The following MTUS2 variants were observed in gnomAD, a reference collection of about 807,000 sequenced individuals.
The protein encoded by MTUS2 is microtubule-associated tumor suppressor candidate 2.
Under a neutral mutation model 114.1 loss-of-function variants are expected in MTUS2, and 40 were observed. The ratio of observed to expected loss-of-function variants is 0.35; its 90% CI spans 0.27 to 0.46. MTUS2 has a LOEUF of 0.46. Among genes scored for constraint, MTUS2 ranks in the 20% least tolerant of loss-of-function variants. MTUS2 has a pLI of 1.00. For synonymous variants in MTUS2, 688 were observed against 672.0 expected (o/e 1.02, Z -0.37); for missense variants, 1,679 against 1,705.4 (o/e 0.98, Z 0.27).
intron 2 of MTUS2, among the ~76,000 whole-genome samples, chr13:28,953,719 C>G (rs996801890): frequency 2.0e-5 from 3 of 152,098 alleles, no homozygotes; most frequent in African/African-American, 7.2e-5. Flanking sequence ...CATATAGTCC[C>G]CTCCCTAGAT....
At chr13:28,968,266 A>T (rs1020666223) in intron 2 of MTUS2, among the ~76,000 whole-genome samples, 1 of 152,312 alleles carries the variant, frequency 6.6e-6, no homozygotes, top group African/African-American at 2.4e-5. Flanking sequence ...AGGCTGGCCA[A>T]AGTACAAAAT....
At chr13:29,466,876 C>CAAAAAAAAAAAAAAAAAA (rs11296600) in intron 9 of MTUS2, among the ~76,000 whole-genome samples, 3 of 87,612 alleles carry the variant, frequency 3.4e-5, no homozygotes, top group African/African-American at 4.4e-5. Context: ...GACCTCATCT[C>CAAAAAAAAAAAAAAAAAA]AAAAAAAAAA....
chr13:29,343,924 A>G (rs1169341892), intron 7 of MTUS2, among the ~76,000 whole-genome samples: 1 of 152,096 alleles, frequency 6.6e-6, no homozygotes, highest in Non-Finnish European at 1.5e-5. Flanking sequence ...TGATCATTCA[A>G]GAGCAGGTTA....
intron 5 of MTUS2, among the ~76,000 whole-genome samples, chr13:29,210,114 CATTTTTTA>C (rs1029856760): frequency 2.6e-5 from 4 of 152,026 alleles, no homozygotes; most frequent in African/African-American, 9.7e-5. Flanking sequence ...AGGCTTTGTT[CATTTTTTA>C]AAATTCTTTT....
chr13:29,269,173 C>T (rs1897783308), intron 5 of MTUS2, among the ~76,000 whole-genome samples: 1 of 152,164 alleles, frequency 6.6e-6, no homozygotes, highest in Non-Finnish European at 1.5e-5. Flanking sequence ...TAACAACTGA[C>T]AGTCATTCCC....
chr13:29,110,765 T>C (rs1890852062), intron 5 of MTUS2, among the ~76,000 whole-genome samples: 1 of 152,196 alleles, frequency 6.6e-6, no homozygotes, highest in African/African-American at 2.4e-5. Flanking sequence ...AACTCAGATA[T>C]CTGGATCTAA....
intron 5 of MTUS2, among the ~76,000 whole-genome samples, chr13:29,158,358 C>CCCCCCCCTTTTCT: frequency 6.2e-5 from 2 of 32,048 alleles, no homozygotes; most frequent in African/African-American, 2.1e-4. Flanking sequence ...GTCCACCCCG[C>CCCCCCCCTTTTCT]TTTTTTTTTT....
At chr13:29,244,955 CAAAAAAAAAAAAAAAAAAA>C (rs56095961) in intron 5 of MTUS2, among the ~76,000 whole-genome samples, 5 of 60,522 alleles carry the variant, frequency 8.3e-5, no homozygotes, top group Admixed American at 2.0e-4. Flanking sequence ...GACTCCGTCT[CAAAAAAAAAAAAAAAAAAA>C]AAAAAAAGTA....
intron 4 of MTUS2, among the ~76,000 whole-genome samples, chr13:29,068,537 A>G (rs1360285229): frequency 2.6e-5 from 4 of 151,926 alleles, no homozygotes. Context: ...AGAACCATAA[A>G]CCAGATAGAA....
intron 2 of MTUS2, among the ~76,000 whole-genome samples, chr13:28,941,814 T>C (rs1882256288): frequency 6.6e-6 from 1 of 152,208 alleles, no homozygotes; most frequent in Non-Finnish European, 1.5e-5. Flanking sequence ...CTATATTACA[T>C]TAAAATTCAT....
chr13:29,424,487 G>A (rs1349154592), intron 8 of MTUS2, among the ~76,000 whole-genome samples: 1 of 152,070 alleles, frequency 6.6e-6, no homozygotes, highest in African/African-American at 2.4e-5. Context: ...ATTGATTCAG[G>A]TAATAATTAT....
At chr13:29,199,726 C>CTT (rs770130282) in intron 5 of MTUS2, among the ~76,000 whole-genome samples, 1 of 150,504 alleles carries the variant, frequency 6.6e-6, no homozygotes, top group Non-Finnish European at 1.5e-5. Context: ...GGGAGGAGTC[C>CTT]TGTTTTTTTT....
chr13:29,324,545 A>G, intron 6 of MTUS2, 68 bp from the exon 7 acceptor site: 1 of 1,215,302 alleles, frequency 8.2e-7, no homozygotes, highest in East Asian at 2.6e-5. Context: ...CCTTTCCACA[A>G]CTTATGTTGC....
chr13:29,271,321 A>G (rs1243096040), intron 5 of MTUS2, among the ~76,000 whole-genome samples: 1 of 152,166 alleles, frequency 6.6e-6, no homozygotes, highest in Non-Finnish European at 1.5e-5. Context: ...GTCTTCTTCC[A>G]TCTATCTTTC....
At chr13:29,012,696 AC>A (rs2083275412) in intron 2 of MTUS2, among the ~76,000 whole-genome samples, 1 of 151,786 alleles carries the variant, frequency 6.6e-6, no homozygotes, top group South Asian at 2.1e-4. Flanking sequence ...ACACGGTGCA[AC>A]CCCCATCTCC....
intron 3 of MTUS2, among the ~76,000 whole-genome samples, chr13:29,027,859 C>T (rs957756946): frequency 1.3e-5 from 2 of 152,100 alleles, no homozygotes; most frequent in Admixed American, 6.5e-5. Context: ...TTTTTATCAC[C>T]GTATAGATAC....
At chr13:29,010,111 T>C (rs534640819) in intron 2 of MTUS2, among the ~76,000 whole-genome samples, 28 of 150,962 alleles carry the variant, frequency 1.9e-4, no homozygotes, top group African/African-American at 6.6e-4. Flanking sequence ...CTCAGGAGGC[T>C]GAGGCAGGAG....
intron 2 of MTUS2, among the ~76,000 whole-genome samples, chr13:28,977,151 G>A (rs565934874): frequency 2.2e-4 from 33 of 152,254 alleles, no homozygotes; most frequent in African/African-American, 7.2e-4. Context: ...ATCTGGTGGG[G>A]TCATTGCGGG....
chr13:29,177,532 T>C (rs1893824321), intron 5 of MTUS2, among the ~76,000 whole-genome samples: 1 of 144,992 alleles, frequency 6.9e-6, no homozygotes, highest in South Asian at 2.1e-4. Context: ...CAGAACCTTT[T>C]TCACCAGGCC....
Sources: allele counts gnomAD v4.1 joint callset (sites outside exome capture counted in the v4.1 genomes callset), GRCh38; gene constraint gnomAD v4.1.1; transcripts MANE v1.5; gene names NCBI Gene and HGNC (gene_info 2026-07-23, HGNC 2026-07-21).